Variants in LRRK1 observed in about 807,000 individuals in gnomAD.
LRRK1 encodes the protein leucine rich repeat kinase 1.
A neutral mutation model predicts 209.1 loss-of-function variants in LRRK1; 113 were observed. That is an observed-to-expected ratio of 0.54 (90% CI 0.46 to 0.63). The LOEUF (loss-of-function observed/expected upper bound fraction) is 0.63. LRRK1 is among the 30% of genes least tolerant of loss of function. The pLI is 0.00. For missense variants in LRRK1, 2,284 were observed against 2,632.2 expected, an observed-to-expected ratio of 0.87 and a Z score of 2.89; for synonymous variants, 1,144 against 1,099.7, an observed-to-expected ratio of 1.04 and a Z score of -0.80.
chr15:101,061,656 T>A (rs2036190122), intron 30 of LRRK1, among the ~76,000 whole-genome samples: 1 of 152,090 alleles, frequency 6.6e-6, no homozygotes, highest in Non-Finnish European at 1.5e-5. Context: ...ATCAGGGAAG[T>A]CACTAGAAGG....
At chr15:101,049,804 C>T in intron 23 of LRRK1, 21 bp downstream of exon 23, 7 of 1,606,604 alleles carry the variant, frequency 4.4e-6, no homozygotes, top group African/African-American at 1.3e-5. Context: ...ATGCTAGAAG[C>T]AAGCCCTCAT....
Position 101,056,848 on chromosome 15 carries a change from G to A in LRRK1, c.4333-8G>A, listed in dbSNP as rs769147629. ...GCAGCGACCTGACTTGGCTTGTTCTGTGCCCAGGTAGATATGTTCTCCTAT... is the reference window on the plus strand; with the variant it reads ...GCAGCGACCTGACTTGGCTTGTTCTATGCCCAGGTAGATATGTTCTCCTAT... On this transcript the variant is annotated splice_polypyrimidine_tract_variant and splice_region_variant and intron_variant, in intron 27 of 33. Transcript: ENST00000388948. 6 of 1,587,962 alleles carry A rather than the reference G, an allele frequency of 3.8e-6. No homozygotes were observed. The African/African-American group carries it at 6.7e-5, about 18-fold the overall frequency.
intron 6 of LRRK1, among the ~76,000 whole-genome samples, chr15:101,007,684 T>G (rs1176767821): frequency 6.6e-6 from 1 of 151,772 alleles, no homozygotes; most frequent in African/African-American, 2.4e-5. Context: ...GTGGGGAAGC[T>G]GGGGGGCCTC....
At chr15:100,934,851 G>C (rs1279331109) in intron 2 of LRRK1, among the ~76,000 whole-genome samples, 1 of 150,808 alleles carries the variant, frequency 6.6e-6, no homozygotes, top group African/African-American at 2.4e-5. Flanking sequence ...AGAGAGTGAT[G>C]CTCAATGAAG....
intron 2 of LRRK1, among the ~76,000 whole-genome samples, chr15:100,972,363 A>AGAGTGTGTGT (rs1176201849): frequency 1.8e-3 from 175 of 98,476 alleles, no homozygotes; most frequent in African/African-American, 7.3e-3. Context: ...AGAGAGAGAG[A>AGAGTGTGTGT]GTGTGTGTGT....
At position 100,937,692 on chromosome 15, in the gene LRRK1, G is replaced by A. The variant is rs183606930; in HGVS notation, c.97+12963G>A. 2.6e-4 allele frequency among the ~76,000 whole-genome samples: 39 copies of A among 151,326 alleles called. 1 individual carries two copies. Among genetic ancestry groups the A allele is most frequent in the African/African-American group, 8.5e-4 (35 of 41,258 alleles). On this transcript the variant is annotated intron_variant, in intron 2 of 33. Transcript: ENST00000388948. ...TGGGACTACAGGCGCCCGCCACCAC[G>A]CCCGGCTAATTTTTTTGTATTTTTA...
intron 2 of LRRK1, among the ~76,000 whole-genome samples, chr15:100,930,520 C>G (rs12593923): frequency 0.59 from 89,091 of 152,072 alleles, 27,399 homozygotes; most frequent in African/African-American, 0.79. Flanking sequence ...CTCACCCCCT[C>G]CCTGGCCTCC....
At chr15:100,969,510 G>C (rs2030718867) in intron 2 of LRRK1, among the ~76,000 whole-genome samples, 1 of 151,580 alleles carries the variant, frequency 6.6e-6, no homozygotes, top group African/African-American at 2.4e-5. Flanking sequence ...TTTTTTTCAA[G>C]TTCAGGGGTA....
At chr15:100,987,079 A>C (rs1027136731) in intron 4 of LRRK1, among the ~76,000 whole-genome samples, 5 of 152,094 alleles carry the variant, frequency 3.3e-5, no homozygotes, top group African/African-American at 9.7e-5. Flanking sequence ...GGGGTCACTT[A>C]TTTTCTGTTA....
At chr15:101,068,635 C>G in intron 33 of LRRK1, 36 bp from the exon 34 acceptor site, 2 of 1,534,304 alleles carry the variant, frequency 1.3e-6, no homozygotes, top group Non-Finnish European at 1.8e-6. Context: ...GAGTGGGAAC[C>G]CCTGTGAGTT....
Position 101,053,270 on chromosome 15 carries a change from T to A in LRRK1, c.3904T>A (p.Ser1302Thr). Residue 1302 changes from serine to threonine, a missense_variant, in exon 26 of 34, where the codon TCC (serine) becomes ACC (threonine). Physicochemically the swap from Ser to Thr is moderately conservative, Grantham distance 58. Transcript: ENST00000388948. Reference sequence around the variant, plus strand: ...GGCCACCGATGCCATGAAGAACTTCTCCGAGTTCCGGCAGGAGGCCAGCAT... The same window carrying A: ...GGCCACCGATGCCATGAAGAACTTCACCGAGTTCCGGCAGGAGGCCAGCAT... ...LRATDAMKNFSEFRQEASMLH... is the reference protein window; with the variant it reads ...LRATDAMKNFTEFRQEASMLH... 6.2e-7 allele frequency: 1 copy of A among 1,606,850 alleles called. No homozygotes were observed. The highest frequency in any genetic ancestry group is 8.5e-7 in the Non-Finnish European group (1 of 1,179,950).
rs368404584 is a variant in LRRK1 at position 101,027,671 on chromosome 15, G to A, written c.2560G>A (p.Val854Met). Residue 854 changes from valine to methionine, a missense_variant, in exon 19 of 34, where the codon GTG (valine) becomes ATG (methionine). Physicochemically the swap from Val to Met is conservative, Grantham distance 21. Around this residue, in one of 6 missense-constraint regions of LRRK1, gnomAD observed 780 missense variants for 985.2 expected, o/e 0.79. Transcript: ENST00000388948. The surrounding 1 kb of genome is among the most constrained non-coding windows in gnomAD (Gnocchi z 5.1). ...GAGCTACCTGAGCCTGCAGGAGGCC[G>A]TGCTGGCAGAGCAGCAGCGCCGCAG... ...PRSYLSLQEA[V>M]LAEQQRRSRD... 1.4e-4 allele frequency: 225 copies of A among 1,613,034 alleles called. 2 individuals are homozygous for A. Among genetic ancestry groups the A allele is most frequent in the Non-Finnish European group, 1.7e-4 (205 of 1,179,714 alleles).
At chr15:100,959,699 T>C (rs1282886920) in intron 2 of LRRK1, among the ~76,000 whole-genome samples, 1 of 152,214 alleles carries the variant, frequency 6.6e-6, no homozygotes, top group African/African-American at 2.4e-5. Context: ...ATTTTTTTAT[T>C]CATATGCATT....
At position 101,053,154 on chromosome 15, in the gene LRRK1, G is replaced by A. The variant is rs74040265; in HGVS notation, c.3856+66G>A. 7,950 of 1,588,176 alleles carry A rather than the reference G, an allele frequency of 5.0e-3. 235 individuals are homozygous for A. In the African/African-American group the frequency reaches 0.078, roughly 16 times the overall value. ...TGCTGCCCGGGTCTAAGCTCTGTGC[G>A]GCCTTAGAGAGGCCTGAGGCTGCAG... On this transcript the variant is annotated intron_variant, in intron 25 of 33. Coordinates refer to ENST00000388948, the MANE Select transcript of LRRK1 (RefSeq NM_024652.6).
rs982518776 is a variant in LRRK1, at chr15:100,973,980, C to T, written c.261+13C>T. The T allele has an allele frequency of 7.0e-5, 87 of 1,246,076 alleles. No homozygotes were observed. The East Asian group carries it at 2.6e-3, about 37-fold the overall frequency. The allele number at this position is 1,246,076 out of a possible 1,614,324, so 77.2% of individuals were successfully genotyped here. ...CCAGCTGGAAAAGGTAGGGGAGCGC[C>T]TGCCCCTGCGGCCACCCATGCAGCC... On this transcript the variant is annotated intron_variant, in intron 3 of 33. Coordinates refer to ENST00000388948, the MANE Select transcript of LRRK1 (RefSeq NM_024652.6).
chr15:100,983,429 C>A (rs2031707774), intron 3 of LRRK1, 99 bp from the exon 4 acceptor site: 19 of 1,165,638 alleles, frequency 1.6e-5, no homozygotes, highest in Non-Finnish European at 2.2e-5. Context: ...CAACACAACT[C>A]CAGTCCTGCT....
intron 21 of LRRK1, among the ~76,000 whole-genome samples, chr15:101,046,774 T>C (rs190858928): frequency 8.5e-5 from 13 of 152,344 alleles, no homozygotes; most frequent in African/African-American, 2.6e-4. Flanking sequence ...GAACTGTACG[T>C]TGGTTCTGGT....
chr15:101,066,098 C>T lies in LRRK1; in HGVS notation c.5661C>T (p.Ala1887=), dbSNP rs1479240337. The part of the protein sequence containing the change: ...DSDMLHTPGA[A]SDRSEHDLTP... ...ACATGCTACATACGCCCGGTGCTGC[C>T]TCCGACAGGTCTGAGCATGACCTGA... Residue 1887 remains alanine, a synonymous_variant, in exon 32 of 34, where the codon GCC becomes GCT. Coordinates refer to ENST00000388948, the MANE Select transcript of LRRK1 (RefSeq NM_024652.6). 4 of 1,614,080 alleles carry T rather than the reference C, an allele frequency of 2.5e-6. No homozygotes were observed. The highest frequency in any genetic ancestry group is 3.3e-5 in the Admixed American group (2 of 60,012).
intron 1 of LRRK1, among the ~76,000 whole-genome samples, chr15:100,921,522 T>C (rs1048097518): frequency 6.7e-6 from 1 of 149,092 alleles, no homozygotes; most frequent in Non-Finnish European, 1.5e-5. Context: ...TCTAGCATGC[T>C]TTGCTTGCAA....
Sources: allele counts gnomAD v4.1 joint callset (sites outside exome capture counted in the v4.1 genomes callset), GRCh38; gene constraint gnomAD v4.1.1; regional missense constraint gnomAD v4.1.1; non-coding constraint Gnocchi (gnomAD v3.1); transcripts MANE v1.5; gene names NCBI Gene and HGNC (gene_info 2026-07-23, HGNC 2026-07-21).